Variants in LPAR1 observed in about 807,000 individuals in gnomAD.
LPAR1 encodes the protein LPA receptor 1.
In LPAR1, 5 loss-of-function variants were observed where a neutral mutation model predicts 23.8. The observed-to-expected ratio is 0.21, with a 90% confidence interval of 0.11 to 0.44. The LOEUF is 0.44. Among genes scored for constraint, LPAR1 ranks in the 20% least tolerant of loss-of-function variants. The probability of loss-of-function intolerance (pLI) is 0.99; values close to 1 mark genes in which losing one functional copy is unlikely to be tolerated. For synonymous variants in LPAR1, 160 were observed against 164.7 expected (o/e 0.97, Z 0.22); for missense variants, 311 against 482.8 (o/e 0.64, Z 3.33).
chr9:110,981,340 G>T (rs368970802), intron 2 of LPAR1, among the ~76,000 whole-genome samples: 2 of 152,000 alleles, frequency 1.3e-5, no homozygotes, highest in African/African-American at 4.8e-5. Flanking sequence ...CCTTGGGCAG[G>T]TTATGTCATG....
At chr9:110,921,006 C>T (rs544160516) in intron 5 of LPAR1, among the ~76,000 whole-genome samples, 1 of 151,894 alleles carries the variant, frequency 6.6e-6, no homozygotes, top group East Asian at 1.9e-4. Flanking sequence ...CGTTACGGCG[C>T]TTGACTATAG....
At chr9:110,934,306 A>T (rs890227466) in intron 5 of LPAR1, 1 of 152,258 alleles carries the variant, frequency 6.6e-6, no homozygotes, top group African/African-American at 2.4e-5. Flanking sequence ...CAGGAAAGTA[A>T]AGCCCCCAGA....
At chr9:111,032,879 C>A (rs1225080893) in intron 2 of LPAR1, among the ~76,000 whole-genome samples, 1 of 152,174 alleles carries the variant, frequency 6.6e-6, no homozygotes, top group Non-Finnish European at 1.5e-5. Context: ...CTGGAAATCC[C>A]ACCCATGGCC....
Position 110,941,686 on chromosome 9 carries a change from G to A in LPAR1, c.528C>T (p.Ile176=), listed in dbSNP as rs372554512. Residue 176 remains isoleucine, a synonymous_variant, in exon 5 of 6, where the codon ATC becomes ATT. Transcript: ENST00000683809. This position sits in a 1 kb window ranked among gnomAD's most constrained non-coding sequence, Gnocchi z 6.1. ...VVIVVIWTMA[I]VMGAIPSVGW... is the part of the protein sequence containing the mutation. ...CCACACTGGGTATAGCACCCATAAC[G>A]ATGGCCATAGTCCAGATGACCACAA... 145 of 1,614,158 alleles carry A rather than the reference G, an allele frequency of 9.0e-5. No individual in the cohort carries two copies. Among genetic ancestry groups the A allele is most frequent in the South Asian group, 7.8e-4 (71 of 91,078 alleles).
chr9:110,958,168 G>T (rs750656498), intron 4 of LPAR1, among the ~76,000 whole-genome samples: 21 of 152,252 alleles, frequency 1.4e-4, no homozygotes, highest in Non-Finnish European at 2.2e-4. Flanking sequence ...GCAATCTACA[G>T]ATTCAATGCA....
chr9:110,975,001 T>C (rs1436490518), intron 2 of LPAR1, among the ~76,000 whole-genome samples: 1 of 152,182 alleles, frequency 6.6e-6, no homozygotes, highest in African/African-American at 2.4e-5. Flanking sequence ...TCATTTTTCC[T>C]TTCTCCCTCT....
intron 5 of LPAR1, among the ~76,000 whole-genome samples, chr9:110,892,068 A>G (rs1588159978): frequency 1.3e-5 from 2 of 152,246 alleles, no homozygotes; most frequent in Admixed American, 1.3e-4. Context: ...GAATATGTCC[A>G]CACAAAGATG....
In LPAR1 at chr9:110,917,336, C is replaced by T. The variant is rs150882842; in HGVS notation, c.793+24085G>A. Among the ~76,000 whole-genome samples the T allele has an allele frequency of 1.4e-4, 22 of 152,002 alleles. No homozygotes were observed. The East Asian group carries it at 2.7e-3, about 19-fold the overall frequency. ...TGCACTCTAGCCTAGATGACAAGAG[C>T]GAAATTCCATCTCAAAAATAATAAT... On this transcript the variant is annotated intron_variant, in intron 5 of 5. Transcript: ENST00000683809.
intron 2 of LPAR1, among the ~76,000 whole-genome samples, chr9:111,013,098 T>C (rs2097366401): frequency 6.6e-6 from 1 of 152,200 alleles, no homozygotes; most frequent in African/African-American, 2.4e-5. Context: ...TCAAGGATTT[T>C]TTTTAATTCC....
At chr9:110,894,362 C>G (rs1369552258) in intron 5 of LPAR1, among the ~76,000 whole-genome samples, 1 of 147,534 alleles carries the variant, frequency 6.8e-6, no homozygotes, top group Non-Finnish European at 1.5e-5. Context: ...GCCTCAATAT[C>G]CTTATCTGTC....
chr9:110,983,574 T>G (rs2096718473), intron 2 of LPAR1, among the ~76,000 whole-genome samples: 2 of 151,984 alleles, frequency 1.3e-5, no homozygotes, highest in Admixed American at 1.3e-4. Flanking sequence ...GGAGATTGGT[T>G]GCACAACAGT....
chr9:110,926,199 C>A (rs1385659309), intron 5 of LPAR1, among the ~76,000 whole-genome samples: 1 of 152,184 alleles, frequency 6.6e-6, no homozygotes, highest in Non-Finnish European at 1.5e-5. Context: ...GGATTACAGG[C>A]GTGAGCCACC....
At chr9:110,899,762 G>C (rs2087981046) in intron 5 of LPAR1, among the ~76,000 whole-genome samples, 1 of 152,188 alleles carries the variant, frequency 6.6e-6, no homozygotes, top group African/African-American at 2.4e-5. Context: ...GGTAGCAAGA[G>C]TATGCTTTGA....
At chr9:111,038,518 C>T, upstream of LPAR1, 2 of 439,040 alleles carry the variant, frequency 4.6e-6, no homozygotes, top group Admixed American at 2.4e-5. The surrounding 1 kb of genome is among the most constrained non-coding windows in gnomAD (Gnocchi z 4.4). Context: ...GAGGGAGGGC[C>T]AGAGGAGCAG....
rs1213996805 is a variant in LPAR1, at chr9:110,985,434, A to G, written c.-181-11876T>C. Among the ~76,000 whole-genome samples, 8 of 151,808 alleles carry G rather than the reference A, an allele frequency of 5.3e-5. No homozygotes were observed. In the East Asian group the frequency reaches 1.6e-3, roughly 29 times the overall value. ...GGTCTAAAAGTCTATCATTTTTTCT[A>G]CAGGGCACAGAGCTAACGCATTCCA... On this transcript the variant is annotated intron_variant, in intron 2 of 5. Coordinates refer to ENST00000683809, the MANE Select transcript of LPAR1 (RefSeq NM_001351411.2).
chr9:111,019,871 C>T (rs2097529583), intron 2 of LPAR1, among the ~76,000 whole-genome samples: 2 of 152,082 alleles, frequency 1.3e-5, no homozygotes, highest in African/African-American at 2.4e-5. Context: ...CGTTAGGTGG[C>T]TTAAATGAAA....
At chr9:110,935,042 G>A (rs2094608106) in intron 5 of LPAR1, among the ~76,000 whole-genome samples, 1 of 152,124 alleles carries the variant, frequency 6.6e-6, no homozygotes, top group Non-Finnish European at 1.5e-5. Flanking sequence ...TAATTAGGGA[G>A]GGAGATTACC....
At chr9:110,963,132 A>G (rs777651729) in intron 4 of LPAR1, among the ~76,000 whole-genome samples, 3 of 152,236 alleles carry the variant, frequency 2.0e-5, no homozygotes, top group Non-Finnish European at 2.9e-5. Flanking sequence ...TAAACCAATT[A>G]AAAAGGATGT....
rs184663748 is a variant in LPAR1, at chr9:110,891,908, T to C, written c.794-16186A>G. Among the ~76,000 whole-genome samples the C allele has an allele frequency of 4.1e-3, 621 of 152,314 alleles. 3 individuals are homozygous for C. Among genetic ancestry groups the C allele is most frequent in the African/African-American group, 0.014 (586 of 41,564 alleles). On this transcript the variant is annotated intron_variant, in intron 5 of 5. Transcript: ENST00000683809. The stretch of plus-strand genomic sequence containing the variant: ...ACCCTAGCAAATGTTGACTTGGATA[T>C]AGTGGAACTGAAACTTTCATCACTG...
Sources: allele counts gnomAD v4.1 joint callset (sites outside exome capture counted in the v4.1 genomes callset), GRCh38; gene constraint gnomAD v4.1.1; non-coding constraint Gnocchi (gnomAD v3.1); transcripts MANE v1.5; gene names NCBI Gene and HGNC (gene_info 2026-07-23, HGNC 2026-07-21).